The following TSNAX variants were observed in gnomAD, a reference collection of about 807,000 sequenced individuals.
TSNAX encodes the protein translin associated factor X, also known as translin-associated protein X.
Under a neutral mutation model 33.0 loss-of-function variants are expected in TSNAX, and 12 were observed. The ratio of observed to expected loss-of-function variants is 0.36; its 90% CI spans 0.23 to 0.59. The LOEUF (loss-of-function observed/expected upper bound fraction) is 0.59. Ranked by LOEUF, TSNAX falls within the 20% of genes least tolerant of loss-of-function variation. The probability of loss-of-function intolerance (pLI) is 0.74; values close to 1 mark genes in which losing one functional copy is unlikely to be tolerated. For missense variants in TSNAX, 267 were observed against 341.3 expected (o/e 0.78, Z 1.72); for synonymous variants, 110 against 117.2 (o/e 0.94, Z 0.40).
In TSNAX at chr1:231,564,956, A is replaced by C; in HGVS notation, c.*51A>C. On this transcript the variant is annotated 3_prime_UTR_variant, in exon 6 of 6. Coordinates refer to ENST00000366639, the MANE Select transcript of TSNAX (RefSeq NM_005999.3). ...TCTTTTGAGAACTCCTAAGAGACCA[A>C]TTTGTAAGACTTATTTAGTATTTCA... The C allele has an allele frequency of 6.4e-7, 1 of 1,555,310 alleles. No homozygotes were observed. Among genetic ancestry groups the C allele is most frequent in the African/African-American group, 1.4e-5 (1 of 72,886 alleles).
intron 2 of TSNAX, among the ~76,000 whole-genome samples, chr1:231,532,155 CACACACACACACACACACACACACACA>C (rs1658779266): frequency 1.1e-5 from 1 of 87,226 alleles, no homozygotes; most frequent in Admixed American, 1.4e-4. Flanking sequence ...CACACACACA[CACACACACACACACACACACACACACA>C]CACAGTTTTG....
At chr1:231,560,665 A>G (rs1325533254) in intron 4 of TSNAX, among the ~76,000 whole-genome samples, 9 of 148,234 alleles carry the variant, frequency 6.1e-5, no homozygotes, top group Admixed American at 4.0e-4. Context: ...TGATCCGCCC[A>G]CCTCAGCCTC....
At position 231,529,103 on chromosome 1, in the gene TSNAX, T is replaced by TA. The variant is rs953475275; in HGVS notation, c.17-152_17-151insA. 3.7e-6 allele frequency: 3 copies of TA among 801,750 alleles called. No homozygotes were observed. In the African/African-American group the frequency reaches 5.2e-5, roughly 14 times the overall value. 49.7% of individuals were successfully genotyped at this position (801,750 alleles called of 1,614,324 possible). A position where few individuals can be genotyped will look rare whatever the true frequency, so the allele number is the denominator to read the frequency against. The stretch of plus-strand genomic sequence containing the variant: ...CTTGGATGATTTGCTTGGAAAGGCC[T>TA]GGGCAGCGTCTCTGTCAGTCTGCGG... On this transcript the variant is annotated intron_variant, in intron 1 of 5. Coordinates refer to ENST00000366639, the MANE Select transcript of TSNAX (RefSeq NM_005999.3).
intron 4 of TSNAX, 197 bp downstream of exon 4, chr1:231,542,808 CATTG>C (rs1017717074): frequency 1.0e-5 from 5 of 487,952 alleles, no homozygotes; most frequent in African/African-American, 7.9e-5. Context: ...TAGTGATGGT[CATTG>C]ATTGATTTTA....
At chr1:231,553,848 G>A (rs998341712) in intron 4 of TSNAX, among the ~76,000 whole-genome samples, 10 of 151,824 alleles carry the variant, frequency 6.6e-5, no homozygotes, top group Admixed American at 1.3e-4. Context: ...CACCACACCC[G>A]GCTAATTTTG....
At chr1:231,536,466 G>A (rs1659179670) in intron 2 of TSNAX, 1 of 152,192 alleles carries the variant, frequency 6.6e-6, no homozygotes, top group Non-Finnish European at 1.5e-5. Context: ...CTTTTAAGAA[G>A]TTGTTTCATG....
intron 4 of TSNAX, among the ~76,000 whole-genome samples, chr1:231,548,535 A>C (rs549241009): frequency 1.7e-4 from 26 of 152,308 alleles, no homozygotes; most frequent in Non-Finnish European, 3.5e-4. Context: ...TGGTGTTAGC[A>C]GTGGGAATAG....
intron 4 of TSNAX, among the ~76,000 whole-genome samples, chr1:231,549,644 A>T (rs1441751068): frequency 1.3e-5 from 2 of 152,230 alleles, no homozygotes; most frequent in Non-Finnish European, 2.9e-5. Context: ...CAGTGGGAGA[A>T]GTAGGAAAAG....
intron 2 of TSNAX, 37 bp downstream of exon 2, chr1:231,529,396 G>C (rs751950152): frequency 5.6e-6 from 9 of 1,597,016 alleles, no homozygotes; most frequent in Non-Finnish European, 6.9e-6. Context: ...GAAGGGGAGA[G>C]AACAAAATTA....
chr1:231,531,697 C>A (rs1298969747), intron 2 of TSNAX, among the ~76,000 whole-genome samples: 1 of 152,066 alleles, frequency 6.6e-6, no homozygotes, highest in East Asian at 1.9e-4. Flanking sequence ...AGTTTAAGTT[C>A]TTGTTTTTTC....
intron 4 of TSNAX, among the ~76,000 whole-genome samples, chr1:231,551,829 A>G (rs2124925783): frequency 6.6e-6 from 1 of 151,796 alleles, no homozygotes; most frequent in African/African-American, 2.4e-5. Context: ...AAATAAATAA[A>G]AATAAAAACA....
Position 231,565,104 on chromosome 1 carries a change from C to A in TSNAX, c.*199C>A. 1.5e-6 allele frequency: 1 copy of A among 665,498 alleles called. No individual in the cohort carries two copies. The highest frequency in any genetic ancestry group is 4.4e-4 in the Middle Eastern group (1 of 2,296). 41.2% of individuals were successfully genotyped at this position (665,498 alleles called of 1,614,324 possible). On this transcript the variant is annotated 3_prime_UTR_variant, in exon 6 of 6. Transcript: ENST00000366639. Reference sequence around the variant, plus strand: ...CTTATATCTTATTCATGAAAGTTTGCATACAGATGTTTGCATATATGCCTT... The same window carrying A: ...CTTATATCTTATTCATGAAAGTTTGAATACAGATGTTTGCATATATGCCTT...
chr1:231,559,984 T>G (rs922633167), intron 4 of TSNAX, among the ~76,000 whole-genome samples: 5 of 144,914 alleles, frequency 3.5e-5, no homozygotes, highest in African/African-American at 1.0e-4. Context: ...TTATTATTAT[T>G]ATTTTTTTTT....
intron 4 of TSNAX, among the ~76,000 whole-genome samples, chr1:231,545,599 C>T (rs1216822108): frequency 2.0e-5 from 3 of 151,416 alleles, no homozygotes; most frequent in African/African-American, 4.9e-5. Context: ...GGGAAATGTC[C>T]TCCATTTCAA....
intron 4 of TSNAX, among the ~76,000 whole-genome samples, chr1:231,558,854 A>G (rs965583994): frequency 1.3e-5 from 2 of 152,140 alleles, no homozygotes; most frequent in Non-Finnish European, 2.9e-5. Context: ...TTCTCAGAAC[A>G]TTATGGTTTG....
At chr1:231,534,822 A>C (rs1490691738) in intron 2 of TSNAX, 1 of 152,222 alleles carries the variant, frequency 6.6e-6, no homozygotes, top group Non-Finnish European at 1.5e-5. Flanking sequence ...GCTGCTAGAC[A>C]TGGATCTATG....
intron 2 of TSNAX, among the ~76,000 whole-genome samples, chr1:231,532,193 GT>G (rs969859385): frequency 1.1e-3 from 53 of 47,410 alleles, no homozygotes; most frequent in East Asian, 4.3e-3. Flanking sequence ...CACAGTTTTG[GT>G]TTTTTTTTTT....
Position 231,558,957 on chromosome 1 carries a change from A to G in TSNAX, c.368-2171A>G, listed in dbSNP as rs939847768. 2.0e-5 allele frequency among the ~76,000 whole-genome samples: 3 copies of G among 152,124 alleles called. No individual in the cohort carries two copies. The East Asian group carries it at 5.8e-4, about 29-fold the overall frequency. ...TTTAGTTAAGTTTCCTCTTAGTGCT[A>G]TCAAAACCAGGGTCACCCATTTTCC... is the stretch of plus-strand genomic sequence containing the variant. On this transcript the variant is annotated intron_variant, in intron 4 of 5. Coordinates refer to ENST00000366639, the MANE Select transcript of TSNAX (RefSeq NM_005999.3).
intron 1 of TSNAX, 89 bp from the exon 2 acceptor site, chr1:231,529,165 GT>G: frequency 1.5e-6 from 2 of 1,353,396 alleles, no homozygotes; most frequent in Non-Finnish European, 2.1e-6. Context: ...TGGGTATCTG[GT>G]TTTAAAGCAA....
Sources: allele counts gnomAD v4.1 joint callset (sites outside exome capture counted in the v4.1 genomes callset), GRCh38; gene constraint gnomAD v4.1.1; transcripts MANE v1.5; gene names NCBI Gene and HGNC (gene_info 2026-07-23, HGNC 2026-07-21).